CDK5RAP2: variants seen among roughly 807,000 people sequenced by gnomAD.
The protein encoded by CDK5RAP2 is CDK5 regulatory subunit associated protein 2, also known as CDK5 regulatory subunit-associated protein 2.
CDK5RAP2 carries 147 observed loss-of-function variants against 232.9 expected under a neutral mutation model. The ratio of observed to expected loss-of-function variants is 0.63; its 90% CI spans 0.55 to 0.72. The LOEUF (loss-of-function observed/expected upper bound fraction) is 0.72, where lower values mean the gene tolerates loss of function less well. Among genes scored for constraint, CDK5RAP2 ranks in the 30% least tolerant of loss-of-function variants. The probability of loss-of-function intolerance (pLI) is 0.00; values close to 1 mark genes in which losing one functional copy is unlikely to be tolerated. For missense variants in CDK5RAP2, 2,195 were observed against 2,231.5 expected (o/e 0.98, Z 0.33); for synonymous variants, 833 against 833.7 (o/e 1.00, Z 0.01).
intron 25 of CDK5RAP2, among the ~76,000 whole-genome samples, chr9:120,434,590 G>C (rs570066180): frequency 7.1e-4 from 108 of 152,288 alleles, no homozygotes; most frequent in African/African-American, 2.5e-3. Flanking sequence ...AGAGAAGAGA[G>C]GCGAGCTGAA....
At chr9:120,517,140 G>A (rs967201008) in intron 12 of CDK5RAP2, among the ~76,000 whole-genome samples, 4 of 152,130 alleles carry the variant, frequency 2.6e-5, no homozygotes, top group Non-Finnish European at 4.4e-5. Context: ...AGGAGCCCAG[G>A]GGCATCAGGA....
intron 12 of CDK5RAP2, 66 bp from the exon 13 acceptor site, chr9:120,491,543 T>G: frequency 9.0e-7 from 1 of 1,112,122 alleles, no homozygotes; most frequent in East Asian, 2.4e-5. Context: ...TGTGTTTGAC[T>G]TGCTAAATTA....
intron 19 of CDK5RAP2, among the ~76,000 whole-genome samples, chr9:120,458,879 C>G (rs1333300993): frequency 6.6e-6 from 1 of 152,164 alleles, no homozygotes; most frequent in East Asian, 1.9e-4. Context: ...CTTCTCCTCA[C>G]CCTGTTTCCT....
chr9:120,452,234 G>T (rs1399478006), intron 21 of CDK5RAP2, among the ~76,000 whole-genome samples: 1 of 141,034 alleles, frequency 7.1e-6, no homozygotes, highest in African/African-American at 3.1e-5. Context: ...TTAATATAAT[G>T]GCAGTCTCTC....
At chr9:120,524,961 C>T in intron 11 of CDK5RAP2, 25 bp downstream of exon 11, 3 of 1,550,150 alleles carry the variant, frequency 1.9e-6, no homozygotes, top group African/African-American at 2.7e-5. Flanking sequence ...AAAGAGACAG[C>T]CACTTAAGCC....
intron 16 of CDK5RAP2, among the ~76,000 whole-genome samples, chr9:120,470,747 A>C (rs2037652462): frequency 6.6e-6 from 1 of 151,260 alleles, no homozygotes; most frequent in Non-Finnish European, 1.5e-5. Context: ...TCTGGTCACC[A>C]ATGTAAGGAT....
chr9:120,402,394 A>T (rs2131270243), intron 34 of CDK5RAP2, among the ~76,000 whole-genome samples: 1 of 152,364 alleles, frequency 6.6e-6, no homozygotes, highest in Non-Finnish European at 1.5e-5. Flanking sequence ...TTTGCAAAGT[A>T]ATGGAGCAAC....
At chr9:120,561,725 A>G (rs1218872755) in intron 3 of CDK5RAP2, among the ~76,000 whole-genome samples, 2 of 152,238 alleles carry the variant, frequency 1.3e-5, no homozygotes, top group African/African-American at 4.8e-5. Flanking sequence ...GAATTATAAC[A>G]TAAGTGAATT....
In CDK5RAP2 at chr9:120,518,541, T is replaced by C; in HGVS notation, c.1197A>G (p.Arg399=). The C allele has an allele frequency of 6.2e-7, 1 of 1,613,822 alleles. No homozygotes were observed. Among genetic ancestry groups the C allele is most frequent in the Non-Finnish European group, 8.5e-7 (1 of 1,179,968 alleles). Residue 399 remains arginine (R), a synonymous_variant, in exon 12 of 38, where the codon AGA becomes AGG. Coordinates refer to ENST00000349780, the MANE Select transcript of CDK5RAP2 (RefSeq NM_018249.6). ...TKSTENHRLR[R]SIKKITQELS... ...GCTCCTGGGTGATCTTCTTAATGCT[T>C]CTACGCAGTCTGTGGTTCTCTGTAC...
intron 11 of CDK5RAP2, among the ~76,000 whole-genome samples, chr9:120,520,551 G>A (rs2040570809): frequency 6.6e-6 from 1 of 152,172 alleles, no homozygotes; most frequent in East Asian, 1.9e-4. Context: ...CCTGAGACAG[G>A]AGAATTGCTT....
At chr9:120,539,338 G>C (rs921711287) in intron 5 of CDK5RAP2, among the ~76,000 whole-genome samples, 174 bp from the exon 6 acceptor site, 3 of 152,258 alleles carry the variant, frequency 2.0e-5, no homozygotes, top group East Asian at 1.9e-4. Flanking sequence ...AAAAAAATTA[G>C]AATCATCCAT....
Position 120,520,828 on chromosome 9 carries a change from CAT to C in CDK5RAP2, c.1093-2185_1093-2184del, listed in dbSNP as rs545778284. ...CATGAGATATATCTCATATATATCT[CAT>C]ATGAGCTGTATCTCATATATATCTC... On this transcript the variant is annotated intron_variant, in intron 11 of 37. Transcript: ENST00000349780. 5.3e-5 allele frequency among the ~76,000 whole-genome samples: 8 copies of C among 149,928 alleles called. No individual in the cohort carries two copies. In the South Asian group the frequency reaches 8.6e-4, roughly 16 times the overall value.
In CDK5RAP2 at chr9:120,536,413, CT is replaced by C; in HGVS notation, c.620del (p.Glu207GlyfsTer16). 1 of 1,614,226 alleles carries C rather than the reference CT, an allele frequency of 6.2e-7. No individual in the cohort carries two copies. Among genetic ancestry groups the C allele is most frequent in the Non-Finnish European group, 8.5e-7 (1 of 1,180,022 alleles). On this transcript the variant is annotated frameshift_variant, in exon 7 of 38. Transcript: ENST00000349780. LOFTEE classifies it high-confidence loss of function. ...SKLSEMKKMH[E>X]GDLAMALVLD... ...GGACCAGAGCCATCGCCAAGTCCCC[CT>C]CGTGCATCTTCTTCATCTCTGAAAG...
In CDK5RAP2 at chr9:120,471,835, G is replaced by A. The variant is rs368306706; in HGVS notation, c.1771C>T (p.Arg591Trp). The A allele has an allele frequency of 2.8e-5, 45 of 1,613,840 alleles. No individual in the cohort carries two copies. The highest frequency in any genetic ancestry group is 1.1e-4 in the East Asian group (5 of 44,880). Residue 591 changes from arginine to tryptophan, a missense_variant, in exon 16 of 38, where the codon CGG (arginine) becomes TGG (tryptophan). Arg to Trp is a moderately radical substitution (Grantham distance 101). Transcript: ENST00000349780. ...QAELNKIFAL[R>W]KQLEQDVLSY... Reference sequence around the variant, plus strand: ...AGCACATCCTGCTCCAGTTGCTTCCGCAGGGCAAAAATCTTGTTTAACTCA... The same window carrying A: ...AGCACATCCTGCTCCAGTTGCTTCCACAGGGCAAAAATCTTGTTTAACTCA...
chr9:120,569,196 T>C (rs530423288), intron 2 of CDK5RAP2, among the ~76,000 whole-genome samples: 201 of 152,340 alleles, frequency 1.3e-3, no homozygotes, highest in African/African-American at 4.8e-3. Context: ...TCAGTAAATG[T>C]GTGCTGAGTG....
intron 12 of CDK5RAP2, among the ~76,000 whole-genome samples, chr9:120,516,821 T>G (rs1294049373): frequency 1.3e-5 from 2 of 152,130 alleles, no homozygotes; most frequent in Admixed American, 1.3e-4. Context: ...ACTGTGAAAC[T>G]CTGTCCCAAA....
intron 12 of CDK5RAP2, among the ~76,000 whole-genome samples, chr9:120,517,582 A>G (rs938871783): frequency 1.3e-5 from 2 of 152,252 alleles, no homozygotes; most frequent in African/African-American, 4.8e-5. Flanking sequence ...TTGAAATTTA[A>G]TAAGTCTACC....
chr9:120,408,291 CG>C, intron 31 of CDK5RAP2, 55 bp downstream of exon 31: 2 of 1,606,850 alleles, frequency 1.2e-6, no homozygotes, highest in Non-Finnish European at 1.7e-6. Context: ...AGCCAGCTGT[CG>C]GGTGGTCTTA....
Position 120,422,755 on chromosome 9 carries a change from T to C in CDK5RAP2, c.3956-14A>G, listed in dbSNP as rs765317409. 24 of 1,607,586 alleles carry C rather than the reference T, an allele frequency of 1.5e-5. No homozygotes were observed. The highest frequency in any genetic ancestry group is 1.6e-5 in the Non-Finnish European group (19 of 1,174,306). The stretch of plus-strand genomic sequence containing the variant: ...CAACTGATTTTCCTGGAAGCAGAAA[T>C]AACATCAAGAAAGGAGGAGAAAAAA... On this transcript the variant is annotated splice_polypyrimidine_tract_variant and intron_variant, in intron 25 of 37. Coordinates refer to ENST00000349780, the MANE Select transcript of CDK5RAP2 (RefSeq NM_018249.6).
Sources: gnomAD v4.1 joint callset for allele counts (sites outside exome capture counted in the v4.1 genomes callset) on GRCh38, gnomAD v4.1.1 for gene constraint, MANE v1.5 for transcripts, NCBI Gene and HGNC (gene_info 2026-07-23, HGNC 2026-07-21) for gene names.